Variants in NCOA1 observed in about 807,000 individuals in gnomAD.
The protein encoded by NCOA1 is nuclear receptor coactivator 1.
A neutral mutation model predicts 150.9 loss-of-function variants in NCOA1; 35 were observed. The observed-to-expected ratio is 0.23, with a 90% CI of 0.18 to 0.31. NCOA1 has a LOEUF of 0.31. NCOA1 is among the 10% of genes least tolerant of loss of function. The probability of loss-of-function intolerance (pLI) is 1.00; values close to 1 mark genes in which losing one functional copy is unlikely to be tolerated. For missense variants in NCOA1, 1,491 were observed against 1,749.3 expected, an observed-to-expected ratio of 0.85 and a Z score of 2.63; for synonymous variants, 590 against 630.0, an observed-to-expected ratio of 0.94 and a Z score of 0.95.
At chr2:24,502,368 T>G (rs1369079068) in intron 1 of NCOA1, among the ~76,000 whole-genome samples, 1 of 152,212 alleles carries the variant, frequency 6.6e-6, no homozygotes, top group East Asian at 1.9e-4. Flanking sequence ...TAGTTCAGGC[T>G]TAATTATTCT....
At chr2:24,648,845 A>C (rs1223975713) in intron 4 of NCOA1, among the ~76,000 whole-genome samples, 1 of 152,192 alleles carries the variant, frequency 6.6e-6, no homozygotes, top group Non-Finnish European at 1.5e-5. Context: ...TTTCTAAAAT[A>C]GTTGATCAAA....
chr2:24,606,517 A>G (rs1019726776), intron 3 of NCOA1, among the ~76,000 whole-genome samples: 1 of 152,202 alleles, frequency 6.6e-6, no homozygotes, highest in African/African-American at 2.4e-5. Flanking sequence ...GATTACAGGC[A>G]TGAGTCACCA....
chr2:24,717,042 G>C (rs749984937), intron 14 of NCOA1, among the ~76,000 whole-genome samples: 8 of 152,018 alleles, frequency 5.3e-5, no homozygotes, highest in Non-Finnish European at 1.2e-4. Flanking sequence ...ATATACAGAT[G>C]GTAAATAAGC....
At chr2:24,662,303 C>T (rs1055560856) in intron 5 of NCOA1, among the ~76,000 whole-genome samples, 1 of 152,176 alleles carries the variant, frequency 6.6e-6, no homozygotes, top group East Asian at 1.9e-4. Context: ...ATTCATTCTT[C>T]TAGGAGAATG....
At chr2:24,680,127 A>G (rs1672097679) in intron 7 of NCOA1, among the ~76,000 whole-genome samples, 1 of 152,220 alleles carries the variant, frequency 6.6e-6, no homozygotes, top group African/African-American at 2.4e-5. Flanking sequence ...GAGTGCAGAC[A>G]TCTCTTTGAC....
At chr2:24,676,712 C>T (rs1671926074) in intron 7 of NCOA1, among the ~76,000 whole-genome samples, 1 of 152,030 alleles carries the variant, frequency 6.6e-6, no homozygotes, top group African/African-American at 2.4e-5. Context: ...GAAACCCAAT[C>T]CAAGGAATCT....
chr2:24,698,559 A>C (rs1276559534), intron 11 of NCOA1, among the ~76,000 whole-genome samples: 1 of 152,188 alleles, frequency 6.6e-6, no homozygotes, highest in Non-Finnish European at 1.5e-5. Context: ...TTTGAGAATT[A>C]AGGCCAGAAA....
Position 24,770,109 on chromosome 2 carries a change from T to C in NCOA1, c.*1718T>C, listed in dbSNP as rs948908248. The C allele has an allele frequency of 2.6e-5, 6 of 230,548 alleles. No homozygotes were observed. Among genetic ancestry groups the C allele is most frequent in the African/African-American group, 4.4e-5 (2 of 45,158 alleles). The allele number at this position is 230,548 out of a possible 1,614,324, so 14.3% of individuals were successfully genotyped here. ...TGGAAGGGCTCATGTGGTTAGCAACTATGAAACAGAAATAGGACACTCAGT... is the reference window on the plus strand; with the variant it reads ...TGGAAGGGCTCATGTGGTTAGCAACCATGAAACAGAAATAGGACACTCAGT... On this transcript the variant is annotated 3_prime_UTR_variant, in exon 23 of 23. Transcript: ENST00000348332.
At position 24,572,341 on chromosome 2, in the gene NCOA1, G is replaced by A. The variant is rs1248080343; in HGVS notation, c.-260+7911G>A. Among the ~76,000 whole-genome samples, 5 of 152,242 alleles carry A rather than the reference G, an allele frequency of 3.3e-5. No homozygotes were observed. In the East Asian group the frequency reaches 7.7e-4, roughly 24 times the overall value. On this transcript the variant is annotated intron_variant, in intron 2 of 22. Coordinates refer to ENST00000348332, the MANE Select transcript of NCOA1 (RefSeq NM_003743.5). Reference sequence around the variant, plus strand: ...TGAGTTTGAGAAAGATTACTGACTTGAGTTGGTTTCCAAAAGAATACTTGT... The same window carrying A: ...TGAGTTTGAGAAAGATTACTGACTTAAGTTGGTTTCCAAAAGAATACTTGT...
chr2:24,638,467 A>G (rs1558862949), intron 3 of NCOA1, among the ~76,000 whole-genome samples: 1 of 152,014 alleles, frequency 6.6e-6, no homozygotes. Context: ...CTCTTCAATA[A>G]TACTGATTTC....
chr2:24,552,676 T>C (rs1027809061), intron 1 of NCOA1, among the ~76,000 whole-genome samples: 10 of 152,180 alleles, frequency 6.6e-5, no homozygotes, highest in Non-Finnish European at 8.8e-5. Flanking sequence ...GTGCTTTATA[T>C]TTTTGAGCAC....
chr2:24,762,885 A>T, intron 22 of NCOA1, 109 bp downstream of exon 22: 1 of 935,948 alleles, frequency 1.1e-6, no homozygotes, highest in Admixed American at 2.0e-5. Context: ...CCTGGGTGTG[A>T]GTCCTGGCTC....
chr2:24,681,799 C>T (rs1372031202), intron 7 of NCOA1, among the ~76,000 whole-genome samples: 1 of 151,492 alleles, frequency 6.6e-6, no homozygotes, highest in Admixed American at 6.6e-5. Flanking sequence ...ACTGCAAGCT[C>T]CGCCTCCCGG....
chr2:24,504,808 A>G (rs1341423847), intron 1 of NCOA1, among the ~76,000 whole-genome samples: 1 of 152,214 alleles, frequency 6.6e-6, no homozygotes, highest in Admixed American at 6.5e-5. Flanking sequence ...AACTGGTAAG[A>G]TTTCAGGTAA....
intron 1 of NCOA1, among the ~76,000 whole-genome samples, chr2:24,531,300 A>G (rs1664875615): frequency 3.3e-5 from 5 of 152,174 alleles, no homozygotes; most frequent in Admixed American, 3.3e-4. Flanking sequence ...CACACAATTC[A>G]CAATTGGAGA....
At position 24,744,484 on chromosome 2, in the gene NCOA1, C is replaced by T. The variant is rs56365956; in HGVS notation, c.3706+2298C>T. 8.2e-3 allele frequency among the ~76,000 whole-genome samples: 1,253 copies of T among 152,330 alleles called. 23 individuals carry two copies. Among genetic ancestry groups the T allele is most frequent in the African/African-American group, 0.029 (1,192 of 41,570 alleles). ...AATGTTTTTAATTTCTGTCACCACT[C>T]TTAATTATAAACTTGCTCCAAATTG... is the stretch of plus-strand genomic sequence containing the variant. On this transcript the variant is annotated intron_variant, in intron 19 of 22. Coordinates refer to ENST00000348332, the MANE Select transcript of NCOA1 (RefSeq NM_003743.5).
intron 20 of NCOA1, among the ~76,000 whole-genome samples, chr2:24,754,461 A>G (rs999187875): frequency 1.3e-5 from 2 of 152,106 alleles, no homozygotes; most frequent in Admixed American, 6.5e-5. Context: ...CTGCAAACTC[A>G]GGATGTTTGC....
chr2:24,518,899 A>G (rs138086922), intron 1 of NCOA1, among the ~76,000 whole-genome samples: 486 of 152,300 alleles, frequency 3.2e-3, no homozygotes, highest in Middle Eastern at 6.8e-3. Context: ...CCTTCCCCCA[A>G]GTGTTCTGTG....
chr2:24,493,953 G>A (rs1184703596), intron 1 of NCOA1, among the ~76,000 whole-genome samples: 1 of 152,200 alleles, frequency 6.6e-6, no homozygotes, highest in East Asian at 1.9e-4. Context: ...GCAGAAGATT[G>A]GGTTGCTATG....
Sources: gnomAD v4.1 joint callset for allele counts (sites outside exome capture counted in the v4.1 genomes callset) on GRCh38, gnomAD v4.1.1 for gene constraint, MANE v1.5 for transcripts, NCBI Gene and HGNC (gene_info 2026-07-23, HGNC 2026-07-21) for gene names.